The following NOTCH4 variants were observed in gnomAD, a reference collection of about 807,000 sequenced individuals.
The protein encoded by NOTCH4 is notch receptor 4.
A neutral mutation model predicts 189.0 loss-of-function variants in NOTCH4; 138 were observed. The ratio of observed to expected loss-of-function variants is 0.73; its 90% CI spans 0.64 to 0.84. The LOEUF is 0.84. NOTCH4 is among the 40% of genes least tolerant of loss of function. The pLI is 0.00. For missense variants in NOTCH4, 2,286 were observed against 2,605.4 expected (o/e 0.88, Z 2.67); for synonymous variants, 942 against 1,032.8 (o/e 0.91, Z 1.69).
intron 15 of NOTCH4, 55 bp downstream of exon 15, chr6:32,213,080 G>A: frequency 5.1e-6 from 7 of 1,365,940 alleles, no homozygotes; most frequent in Admixed American, 1.7e-5. Flanking sequence ...ATGAGAGGAG[G>A]GGTGGGAAGG....
At chr6:32,196,484 C>T in intron 28 of NOTCH4, 63 bp from the exon 29 acceptor site, 2 of 1,589,418 alleles carry the variant, frequency 1.3e-6, no homozygotes, top group East Asian at 2.2e-5. Context: ...TTCCGGTTTC[C>T]CACGGGTTCT....
chr6:32,204,031 G>C, intron 19 of NOTCH4, 106 bp downstream of exon 19: 2 of 1,501,034 alleles, frequency 1.3e-6, no homozygotes, highest in Middle Eastern at 2.2e-4. Flanking sequence ...TGGAGGCAGG[G>C]GATGGACCAG....
Position 32,215,218 on chromosome 6 carries a change from G to C in NOTCH4, c.2021+8C>G. ...GGGGGCAGATGGGGAGGGTCTGGAA[G>C]ATGTTACCTCTGGCAGTGCCCGTGG... is the stretch of plus-strand genomic sequence containing the variant. On this transcript the variant is annotated splice_region_variant and intron_variant, in intron 12 of 29. Transcript: ENST00000375023. The C allele has an allele frequency of 6.3e-7, 1 of 1,589,578 alleles. No homozygotes were observed. The highest frequency in any genetic ancestry group is 1.2e-5 in the South Asian group (1 of 86,292).
Position 32,210,975 on chromosome 6 carries a change from G to A in NOTCH4, c.2681-39C>T, listed in dbSNP as rs536683907. 1 of 1,526,038 alleles carries A rather than the reference G, an allele frequency of 6.6e-7. No homozygotes were observed. The highest frequency in any genetic ancestry group is 8.8e-7 in the Non-Finnish European group (1 of 1,136,954). 94.5% of individuals were successfully genotyped at this position (1,526,038 alleles called of 1,614,324 possible). ...CAAACAGGGATATACAAAGATAAGT[G>A]GGGGGCCGGGCGCCATGGCTTACGC... is the stretch of plus-strand genomic sequence containing the variant. On this transcript the variant is annotated intron_variant, in intron 17 of 29. Transcript: ENST00000375023. This position sits in a 1 kb window ranked among gnomAD's most constrained non-coding sequence, Gnocchi z 4.8.
Position 32,217,918 on chromosome 6 carries a change from G to T in NOTCH4, c.1624+77C>A. On this transcript the variant is annotated intron_variant, in intron 9 of 29. Coordinates refer to ENST00000375023, the MANE Select transcript of NOTCH4 (RefSeq NM_004557.4). The surrounding 1 kb of genome is among the most constrained non-coding windows in gnomAD (Gnocchi z 4.2). ...GCTAGAGAGAGCTTCAAGTGGCCTT[G>T]GGTGATTGCTGAGCCTGAACTCTGC... 3.2e-6 allele frequency: 3 copies of T among 930,546 alleles called. No individual in the cohort carries two copies. The highest frequency in any genetic ancestry group is 5.2e-6 in the Non-Finnish European group (3 of 577,588). The allele number at this position is 930,546 out of a possible 1,614,324, so 57.6% of individuals were successfully genotyped here. A position where few individuals can be genotyped will look rare whatever the true frequency, so the allele number is the denominator to read the frequency against.
In NOTCH4 at chr6:32,197,369, T is replaced by C; in HGVS notation, c.4982A>G (p.Asn1661Ser). The C allele has an allele frequency of 6.5e-7, 1 of 1,535,466 alleles. No individual in the cohort carries two copies. ...TGTGCGCCCTGCCCGGTCTGGCTGG[T>C]TGGGGTTGGCTCCAGCCTCAAGGAG... Reference protein sequence around the residue: ...RRLLEAGANPNQPDRAGRTPL... With the variant: ...RRLLEAGANPSQPDRAGRTPL... The change falls in exon 27 of 30, where the codon AAC (asparagine) becomes AGC (serine). Residue 1661 changes from asparagine to serine, a missense_variant. Asn to Ser is a conservative substitution (Grantham distance 46). Around this residue, in one of 2 missense-constraint regions of NOTCH4, gnomAD observed 1,903 missense variants for 2,261.9 expected, o/e 0.84. Transcript: ENST00000375023.
rs878875019 is a variant in NOTCH4, at chr6:32,219,685, C to T, written c.1417G>A (p.Glu473Lys). 1 of 1,613,098 alleles carries T rather than the reference C, an allele frequency of 6.2e-7. No homozygotes were observed. The highest frequency in any genetic ancestry group is 8.5e-7 in the Non-Finnish European group (1 of 1,179,998). ...CPPGYTGSRC[E>K]ADHNECLSQP... Reference sequence around the variant, plus strand: ...GAGAGGCACTCATTGTGATCAGCCTCACAACGGGAGCCTGTGTAGCCAGGT... The same window carrying T: ...GAGAGGCACTCATTGTGATCAGCCTTACAACGGGAGCCTGTGTAGCCAGGT... The change falls in exon 8 of 30, where the codon GAG becomes AAG. Residue 473 changes from glutamate (E) to lysine (K), a missense_variant. Physicochemically the swap from Glu to Lys is moderately conservative, Grantham distance 56 (BLOSUM62 1). Coordinates refer to ENST00000375023, the MANE Select transcript of NOTCH4 (RefSeq NM_004557.4).
intron 28 of NOTCH4, among the ~76,000 whole-genome samples, 166 bp from the exon 29 acceptor site, chr6:32,196,587 G>A (rs917055797): frequency 3.9e-5 from 6 of 152,196 alleles, no homozygotes; most frequent in African/African-American, 1.4e-4. Context: ...GTGTTGCCCT[G>A]GTGACGTCAC....
At position 32,212,963 on chromosome 6, in the gene NOTCH4, G is replaced by A; in HGVS notation, c.2439-52C>T. On this transcript the variant is annotated intron_variant, in intron 15 of 29. Transcript: ENST00000375023. The surrounding 1 kb of genome is among the most constrained non-coding windows in gnomAD (Gnocchi z 4.4). ...TAGGAAGAAGTTCGGGCAACAAGGG[G>A]AAGGTAGTGTGTGATATTGTCGGGA... 1 of 1,493,728 alleles carries A rather than the reference G, an allele frequency of 6.7e-7. No individual in the cohort carries two copies. Among genetic ancestry groups the A allele is most frequent in the Non-Finnish European group, 9.2e-7 (1 of 1,086,938 alleles). 92.5% of individuals were successfully genotyped at this position (1,493,728 alleles called of 1,614,324 possible). A position where few individuals can be genotyped will look rare whatever the true frequency, so the allele number is the denominator to read the frequency against.
rs1318419513 is a variant in NOTCH4, at chr6:32,212,593, G to A, written c.2561C>T (p.Pro854Leu). The A allele has an allele frequency of 1.5e-5, 25 of 1,613,076 alleles. No homozygotes were observed. Among genetic ancestry groups the A allele is most frequent in the Non-Finnish European group, 2.0e-5 (24 of 1,179,906 alleles). ...LMDLCAQKPC[P>L]RNSHCLQTGP... is the part of the protein sequence containing the mutation. ...AGTCTGGAGGCAGTGGGAATTGCGT[G>A]GGCAGGGCTTCTGGGCACATAAGTC... The change falls in exon 17 of 30, where the codon CCA (proline) becomes CTA (leucine). Residue 854 changes from proline (P) to leucine (L), a missense_variant. By Grantham distance (98) the Pro-to-Leu change is moderately conservative. Around this residue, in one of 2 missense-constraint regions of NOTCH4, gnomAD observed 1,903 missense variants for 2,261.9 expected, o/e 0.84. Transcript: ENST00000375023. The surrounding 1 kb of genome is among the most constrained non-coding windows in gnomAD (Gnocchi z 4.4).
Position 32,195,717 on chromosome 6 carries a change from G to A in NOTCH4, c.5732C>T (p.Pro1911Leu). 5.6e-6 allele frequency: 9 copies of A among 1,612,842 alleles called. No homozygotes were observed. Among genetic ancestry groups the A allele is most frequent in the Non-Finnish European group, 7.6e-6 (9 of 1,179,926 alleles). The change falls in exon 30 of 30, where the codon CCT becomes CTT. Residue 1911 changes from proline (P) to leucine (L), a missense_variant. Transcript: ENST00000375023. The surrounding 1 kb of genome is among the most constrained non-coding windows in gnomAD (Gnocchi z 5.4). ...SGVGAGGGPT[P>L]RGRRFSAGMR... Reference sequence around the variant, plus strand: ...GCCTGCAGAAAACCTACGGCCGCGAGGGGTCGGGCCTCCTCCTGCTCCTAC... The same window carrying A: ...GCCTGCAGAAAACCTACGGCCGCGAAGGGTCGGGCCTCCTCCTGCTCCTAC...
chr6:32,216,475 T>C (rs1407790361), intron 11 of NOTCH4: 4 of 196,124 alleles, frequency 2.0e-5, no homozygotes, highest in African/African-American at 4.7e-5. Flanking sequence ...CCTCCATTTT[T>C]AGTCTGGGTT....
chr6:32,201,577 T>C lies in NOTCH4; in HGVS notation c.3756-77A>G. The C allele has an allele frequency of 7.1e-7, 1 of 1,400,948 alleles. No individual in the cohort carries two copies. The highest frequency in any genetic ancestry group is 9.3e-7 in the Non-Finnish European group (1 of 1,071,444). 86.8% of individuals were successfully genotyped at this position (1,400,948 alleles called of 1,614,324 possible). A position where few individuals can be genotyped will look rare whatever the true frequency, so the allele number is the denominator to read the frequency against. On this transcript the variant is annotated intron_variant, in intron 21 of 29. Coordinates refer to ENST00000375023, the MANE Select transcript of NOTCH4 (RefSeq NM_004557.4). This position sits in a 1 kb window ranked among gnomAD's most constrained non-coding sequence, Gnocchi z 5.5. ...TCTTCACCCTAGAAAGAATTCCCCATATTTTGTGCCCTCTAGGGCTTTGGT... is the reference window on the plus strand; with the variant it reads ...TCTTCACCCTAGAAAGAATTCCCCACATTTTGTGCCCTCTAGGGCTTTGGT...
rs1025708365 is a variant in NOTCH4, at chr6:32,217,525, C to T, written c.1625-259G>A. On this transcript the variant is annotated intron_variant, in intron 9 of 29. Transcript: ENST00000375023. The surrounding 1 kb of genome is among the most constrained non-coding windows in gnomAD (Gnocchi z 4.2). ...TGTAAAAGGGGAATAATAATGGAAC[C>T]TACCTCATGGTACTGTTAAAAAGAT... 2.0e-5 allele frequency among the ~76,000 whole-genome samples: 3 copies of T among 152,190 alleles called. No individual in the cohort carries two copies. Among genetic ancestry groups the T allele is most frequent in the Non-Finnish European group, 4.4e-5 (3 of 68,036 alleles).
chr6:32,203,660 A>G (rs1365653038), intron 20 of NOTCH4, 110 bp downstream of exon 20: 10 of 788,736 alleles, frequency 1.3e-5, no homozygotes, highest in East Asian at 2.9e-5. Context: ...GCTTTTTCCA[A>G]TAATTTCCAC....
At chr6:32,196,498 C>T in intron 28 of NOTCH4, 77 bp from the exon 29 acceptor site, 1 of 1,560,392 alleles carries the variant, frequency 6.4e-7, no homozygotes. Flanking sequence ...GGGTTCTGGC[C>T]TTGGGGGAAG....
At chr6:32,209,362 G>A (rs1461943589) in intron 18 of NOTCH4, among the ~76,000 whole-genome samples, 2 of 152,200 alleles carry the variant, frequency 1.3e-5, no homozygotes, top group Non-Finnish European at 2.9e-5. Context: ...GTGGCAGGGA[G>A]GGGGAGATGA....
intron 28 of NOTCH4, 113 bp downstream of exon 28, chr6:32,196,812 G>GTA: frequency 7.3e-7 from 1 of 1,373,188 alleles, no homozygotes; most frequent in South Asian, 1.3e-5. Context: ...ATTGACCGCC[G>GTA]TAACAGCAGG....
At position 32,195,861 on chromosome 6, in the gene NOTCH4, G is replaced by A. The variant is rs1465773653; in HGVS notation, c.5588C>T (p.Thr1863Met). Residue 1863 changes from threonine to methionine, a missense_variant, in exon 30 of 30, where the codon ACG becomes ATG. Physicochemically the swap from Thr to Met is moderately conservative, Grantham distance 81. Around this residue, in one of 2 missense-constraint regions of NOTCH4, gnomAD observed 383 missense variants for 343.5 expected, o/e 1.11. Transcript: ENST00000375023. This position sits in a 1 kb window ranked among gnomAD's most constrained non-coding sequence, Gnocchi z 5.4. ...HGGGALPRCR[T>M]LSAGAGPRGG... ...ACGAGGGCCTGCTCCGGCTGACAGC[G>A]TCCGGCAGCGCGGCAGAGCCCCGCC... is the stretch of plus-strand genomic sequence containing the variant. 6.3e-7 allele frequency: 1 copy of A among 1,595,370 alleles called. No individual in the cohort carries two copies. Among genetic ancestry groups the A allele is most frequent in the East Asian group, 2.2e-5 (1 of 44,722 alleles).
Sources: allele counts gnomAD v4.1 joint callset (sites outside exome capture counted in the v4.1 genomes callset), GRCh38; gene constraint gnomAD v4.1.1; regional missense constraint gnomAD v4.1.1; non-coding constraint Gnocchi (gnomAD v3.1); transcripts MANE v1.5; gene names NCBI Gene and HGNC (gene_info 2026-07-23, HGNC 2026-07-21).